The following UBAC2 variants were observed in gnomAD, a reference collection of about 807,000 sequenced individuals.
UBAC2 encodes ubiquitin-associated domain-containing protein 2.
In UBAC2, 26 loss-of-function variants were observed where a neutral mutation model predicts 44.0. That is an observed-to-expected ratio of 0.59 (90% CI 0.43 to 0.82). UBAC2 has a LOEUF of 0.82. Ranked by LOEUF, UBAC2 falls within the 40% of genes least tolerant of loss-of-function variation. UBAC2 has a pLI of 0.00. For missense variants in UBAC2, 329 were observed against 419.4 expected, an observed-to-expected ratio of 0.78 and a Z score of 1.88; for synonymous variants, 155 against 154.3, an observed-to-expected ratio of 1.00 and a Z score of -0.04.
intron 7 of UBAC2, 137 bp from the exon 8 acceptor site, chr13:99,367,650 T>A: frequency 8.2e-7 from 1 of 1,214,562 alleles, no homozygotes; most frequent in Non-Finnish European, 1.2e-6. Flanking sequence ...TGAATTTGAA[T>A]TGCTTGCATA....
At chr13:99,301,497 C>T (rs1230313982) in intron 4 of UBAC2, among the ~76,000 whole-genome samples, 1 of 152,178 alleles carries the variant, frequency 6.6e-6, no homozygotes, top group Non-Finnish European at 1.5e-5. Context: ...TTTACTTATG[C>T]TTTGAGAAGT....
chr13:99,253,353 A>G (rs534556675), intron 4 of UBAC2, among the ~76,000 whole-genome samples: 5 of 152,244 alleles, frequency 3.3e-5, no homozygotes, highest in Admixed American at 2.6e-4. Flanking sequence ...CAAGTCACAT[A>G]ACCTCTTCAG....
chr13:99,258,335 C>T (rs2043604452), intron 4 of UBAC2: 1 of 151,918 alleles, frequency 6.6e-6, no homozygotes, highest in East Asian at 1.9e-4. Flanking sequence ...CAGTGTAACG[C>T]TTGGCGTCGG....
In UBAC2 at chr13:99,237,525, G is replaced by C. The variant is rs1594032034; in HGVS notation, c.32-902G>C. Among the ~76,000 whole-genome samples, 5 of 152,222 alleles carry C rather than the reference G, an allele frequency of 3.3e-5. 1 individual carries two copies. The South Asian group carries it at 1.0e-3, about 32-fold the overall frequency. On this transcript the variant is annotated intron_variant, in intron 1 of 8. Transcript: ENST00000403766. Reference sequence around the variant, plus strand: ...GGGATAAAAAGAGGTTGATTAATGGGTACAAATATACACTTAGAAGAAATA... The same window carrying C: ...GGGATAAAAAGAGGTTGATTAATGGCTACAAATATACACTTAGAAGAAATA...
At chr13:99,304,515 T>C (rs1298991571) in intron 4 of UBAC2, among the ~76,000 whole-genome samples, 1 of 152,228 alleles carries the variant, frequency 6.6e-6, no homozygotes, top group African/African-American at 2.4e-5. Flanking sequence ...ATGATCGATA[T>C]TCAATAAATA....
At chr13:99,376,812 A>G (rs1354427666) in intron 8 of UBAC2, 1 of 152,228 alleles carries the variant, frequency 6.6e-6, no homozygotes, top group African/African-American at 2.4e-5. Context: ...ACTTCTTGTG[A>G]TGCCTGAGCA....
chr13:99,211,402 T>C (rs975119263), intron 1 of UBAC2, among the ~76,000 whole-genome samples: 1 of 152,224 alleles, frequency 6.6e-6, no homozygotes, highest in Admixed American at 6.5e-5. Flanking sequence ...TGTTAAGTGC[T>C]AGGACAAACA....
intron 1 of UBAC2, among the ~76,000 whole-genome samples, chr13:99,235,494 C>G (rs1483724392): frequency 2.6e-5 from 4 of 152,042 alleles, no homozygotes; most frequent in African/African-American, 7.2e-5. Flanking sequence ...GCAAAAAGAA[C>G]AAGGTGAAGT....
chr13:99,256,144 A>G (rs1449409424), intron 4 of UBAC2, among the ~76,000 whole-genome samples: 2 of 152,204 alleles, frequency 1.3e-5, no homozygotes, highest in Non-Finnish European at 2.9e-5. Flanking sequence ...TAGGTACTCA[A>G]TAAATAAATA....
At chr13:99,340,177 A>G (rs2044862468) in intron 6 of UBAC2, 143 bp from the exon 7 acceptor site, 11 of 787,826 alleles carry the variant, frequency 1.4e-5, no homozygotes, top group Non-Finnish European at 2.2e-5. Context: ...GCAGTGTGGT[A>G]GAGGATTTTG....
chr13:99,332,035 C>T (rs2044721928), intron 6 of UBAC2, among the ~76,000 whole-genome samples: 1 of 152,002 alleles, frequency 6.6e-6, no homozygotes, highest in South Asian at 2.1e-4. Context: ...TTGGCTGTTC[C>T]TTGTCATGCA....
chr13:99,351,146 T>TA (rs1004142171), intron 7 of UBAC2, among the ~76,000 whole-genome samples: 1 of 152,140 alleles, frequency 6.6e-6, no homozygotes, highest in South Asian at 2.1e-4. Flanking sequence ...TCATTGGGGA[T>TA]AAAAAAAATT....
chr13:99,201,412 ATG>A (rs1484329608), intron 1 of UBAC2: 1 of 1,611,428 alleles, frequency 6.2e-7, no homozygotes, highest in African/African-American at 1.3e-5. Flanking sequence ...TTTCACTTGG[ATG>A]TGTTTCTTCT....
At chr13:99,381,259 G>A (rs1448881996) in intron 8 of UBAC2, among the ~76,000 whole-genome samples, 1 of 152,234 alleles carries the variant, frequency 6.6e-6, no homozygotes, top group African/African-American at 2.4e-5. Flanking sequence ...TCAGCATCCT[G>A]TGGATTCCAA....
chr13:99,295,760 C>T lies in UBAC2; in HGVS notation c.390-18337C>T. On this transcript the variant is annotated intron_variant, in intron 4 of 8. Transcript: ENST00000403766. The surrounding 1 kb of genome is among the most constrained non-coding windows in gnomAD (Gnocchi z 4.1). ...TAGAGGGTGCACCACAGCAATGAAG[C>T]GGTCAATACTCAGGCAGGTCATAAA... is the stretch of plus-strand genomic sequence containing the variant. 1.2e-6 allele frequency: 2 copies of T among 1,614,034 alleles called. No individual in the cohort carries two copies. The highest frequency in any genetic ancestry group is 1.7e-6 in the Non-Finnish European group (2 of 1,179,970).
chr13:99,376,013 G>C (rs2045476205), intron 8 of UBAC2, among the ~76,000 whole-genome samples: 1 of 148,920 alleles, frequency 6.7e-6, no homozygotes, highest in Admixed American at 6.7e-5. Flanking sequence ...GGTTGCCCAG[G>C]CTGGCATTTT....
chr13:99,337,849 TTAAG>T (rs1594141236), intron 6 of UBAC2, among the ~76,000 whole-genome samples: 1 of 152,054 alleles, frequency 6.6e-6, no homozygotes, highest in Admixed American at 6.6e-5. Flanking sequence ...TTACCCAGAC[TTAAG>T]TAACCCTCTA....
At chr13:99,273,599 G>GT (rs2043845539) in intron 4 of UBAC2, among the ~76,000 whole-genome samples, 1 of 152,136 alleles carries the variant, frequency 6.6e-6, no homozygotes, top group Admixed American at 6.5e-5. Flanking sequence ...ACCTTGCAGT[G>GT]TGGCTGTTGA....
chr13:99,255,398 G>A (rs2043530864), intron 4 of UBAC2: 1 of 1,614,128 alleles, frequency 6.2e-7, no homozygotes, highest in African/African-American at 1.3e-5. Context: ...TCTTTATAGA[G>A]CAGTAGCAGA....
Sources: allele counts gnomAD v4.1 joint callset (sites outside exome capture counted in the v4.1 genomes callset), GRCh38; gene constraint gnomAD v4.1.1; non-coding constraint Gnocchi (gnomAD v3.1); transcripts MANE v1.5; gene names NCBI Gene and HGNC (gene_info 2026-07-23, HGNC 2026-07-21).